The following GRK5 variants were observed in gnomAD, a reference collection of about 807,000 sequenced individuals.
GRK5 encodes the protein g protein-coupled receptor kinase GRK5.
In GRK5, 40 loss-of-function variants were observed where a neutral mutation model predicts 78.4. The observed-to-expected ratio is 0.51, with a 90% confidence interval of 0.40 to 0.66. The LOEUF is 0.66. Among genes scored for constraint, GRK5 ranks in the 30% least tolerant of loss-of-function variants. The pLI, the probability that GRK5 is intolerant of heterozygous loss-of-function variation, is 0.00. For missense variants in GRK5, 598 were observed against 759.9 expected (o/e 0.79, Z 2.50); for synonymous variants, 289 against 296.8 (o/e 0.97, Z 0.27).
chr10:119,385,105 C>A (rs1355077499), intron 3 of GRK5, among the ~76,000 whole-genome samples: 2 of 150,842 alleles, frequency 1.3e-5, no homozygotes, highest in Non-Finnish European at 2.9e-5. Context: ...CGAGTGTCCG[C>A]AGTTGGAGGG....
At chr10:119,443,407 C>A in intron 11 of GRK5, 137 bp from the exon 12 acceptor site, 1 of 717,046 alleles carries the variant, frequency 1.4e-6, no homozygotes, top group Non-Finnish European at 2.3e-6. Context: ...TCAGGGCAAG[C>A]TCCCTGGAGG....
chr10:119,430,290 C>G lies in GRK5; in HGVS notation c.534-85C>G. On this transcript the variant is annotated intron_variant, in intron 6 of 15. Transcript: ENST00000392870. This position sits in a 1 kb window ranked among gnomAD's most constrained non-coding sequence, Gnocchi z 4.5. ...GGGGCTCCTGGAATTATACCCCACC[C>G]CAGCTGCTCTCAATGTGCCACTGTT... The G allele has an allele frequency of 8.4e-7, 1 of 1,189,962 alleles. No homozygotes were observed. Among genetic ancestry groups the G allele is most frequent in the South Asian group, 1.2e-5 (1 of 80,998 alleles). The allele number at this position is 1,189,962 out of a possible 1,614,324, so 73.7% of individuals were successfully genotyped here.
intron 1 of GRK5, among the ~76,000 whole-genome samples, chr10:119,297,215 G>A (rs1279884395): frequency 1.3e-5 from 2 of 152,236 alleles, no homozygotes; most frequent in Non-Finnish European, 2.9e-5. Flanking sequence ...TCTTTCTTGG[G>A]TGTAATTTCA....
intron 4 of GRK5, among the ~76,000 whole-genome samples, chr10:119,399,556 T>C (rs1182411814): frequency 1.3e-5 from 2 of 151,932 alleles, no homozygotes; most frequent in African/African-American, 4.8e-5. Flanking sequence ...CATAGGAGAG[T>C]GGCCAGTGGA....
intron 4 of GRK5, among the ~76,000 whole-genome samples, chr10:119,418,844 CA>C (rs1852514588): frequency 6.6e-6 from 1 of 152,194 alleles, no homozygotes; most frequent in African/African-American, 2.4e-5. Flanking sequence ...CGAGCACCAC[CA>C]AGACCCCTTC....
At chr10:119,413,687 C>T (rs146733387) in intron 4 of GRK5, among the ~76,000 whole-genome samples, 1 of 152,192 alleles carries the variant, frequency 6.6e-6, no homozygotes, top group East Asian at 1.9e-4. Context: ...GGCTCTGTTT[C>T]CACATCTGTG....
At chr10:119,229,315 A>G (rs916665336) in intron 1 of GRK5, among the ~76,000 whole-genome samples, 1 of 152,118 alleles carries the variant, frequency 6.6e-6, no homozygotes, top group Non-Finnish European at 1.5e-5. Context: ...AGTAACCACC[A>G]TTATTTTATA....
intron 2 of GRK5, among the ~76,000 whole-genome samples, chr10:119,375,984 A>G (rs769378635): frequency 3.3e-5 from 5 of 152,072 alleles, no homozygotes; most frequent in Non-Finnish European, 5.9e-5. Context: ...TTTTCTGTGG[A>G]CTGCACGTGA....
At chr10:119,255,723 C>A (rs1849272699) in intron 1 of GRK5, among the ~76,000 whole-genome samples, 1 of 152,220 alleles carries the variant, frequency 6.6e-6, no homozygotes, top group African/African-American at 2.4e-5. Flanking sequence ...TTCTCCCAGA[C>A]ACGGGCTCCT....
At chr10:119,285,586 G>A (rs1189755253) in intron 1 of GRK5, among the ~76,000 whole-genome samples, 2 of 152,218 alleles carry the variant, frequency 1.3e-5, no homozygotes, top group African/African-American at 2.4e-5. Flanking sequence ...CAAAGGCACA[G>A]CAGGGAAGAT....
chr10:119,251,807 A>G (rs922950504), intron 1 of GRK5, among the ~76,000 whole-genome samples: 3 of 152,164 alleles, frequency 2.0e-5, no homozygotes, highest in Admixed American at 6.5e-5. Flanking sequence ...TAGTTATGAC[A>G]ACCAAAAATG....
rs1480592099 is a variant in GRK5 at position 119,359,897 on chromosome 10, C to T, written c.149-20918C>T. Among the ~76,000 whole-genome samples the T allele has an allele frequency of 7.8e-4, 118 of 152,006 alleles. 1 individual carries two copies. The highest frequency in any genetic ancestry group is 3.9e-4 in the East Asian group (2 of 5,174). On this transcript the variant is annotated intron_variant, in intron 2 of 15. Transcript: ENST00000392870. ...GGCAAATTCAGGTCCTGAGTGAGGTCGTAGTGGGTACCTGGCTAGCAGGCT... is the reference window on the plus strand; with the variant it reads ...GGCAAATTCAGGTCCTGAGTGAGGTTGTAGTGGGTACCTGGCTAGCAGGCT...
intron 10 of GRK5, 59 bp downstream of exon 10, chr10:119,439,827 G>A: frequency 6.5e-7 from 1 of 1,531,006 alleles, no homozygotes. Context: ...AAAGCAAAGG[G>A]CCTCCCAGGG....
intron 4 of GRK5, among the ~76,000 whole-genome samples, chr10:119,402,364 G>A (rs1336924915): frequency 1.3e-5 from 2 of 152,094 alleles, no homozygotes; most frequent in Non-Finnish European, 2.9e-5. Context: ...GTGTGTGCTG[G>A]GCTCTGAAGA....
Position 119,323,596 on chromosome 10 carries a change from T to TC in GRK5, c.53-2915dup, listed in dbSNP as rs536623514. 9.2e-4 allele frequency among the ~76,000 whole-genome samples: 140 copies of TC among 152,270 alleles called. 7 individuals carry two copies. The South Asian group carries it at 0.028, about 30-fold the overall frequency. On this transcript the variant is annotated intron_variant, in intron 1 of 15. Coordinates refer to ENST00000392870, the MANE Select transcript of GRK5 (RefSeq NM_005308.3). The stretch of plus-strand genomic sequence containing the variant: ...GCTTGTCTGGAGGCCACATGTGCTG[T>TC]CCCCCGGGCAGCTGCTGCCCAGCTC...
intron 1 of GRK5, among the ~76,000 whole-genome samples, chr10:119,309,623 C>T (rs1474464461): frequency 6.6e-6 from 1 of 152,176 alleles, no homozygotes; most frequent in Non-Finnish European, 1.5e-5. Flanking sequence ...TACGCTTGAA[C>T]AATCTGAAGC....
At position 119,455,656 on chromosome 10, in the gene GRK5, C is replaced by G. The variant is rs1385906309; in HGVS notation, c.*589C>G. On this transcript the variant is annotated 3_prime_UTR_variant, in exon 16 of 16. Transcript: ENST00000392870. ...AAGGATTGGTTGTATTTACCCACATCTATCTCTGGAGCCATTTCCTCACAT... is the reference window on the plus strand; with the variant it reads ...AAGGATTGGTTGTATTTACCCACATGTATCTCTGGAGCCATTTCCTCACAT... 1 of 261,374 alleles carries G rather than the reference C, an allele frequency of 3.8e-6. No homozygotes were observed. The highest frequency in any genetic ancestry group is 2.4e-5 in the African/African-American group (1 of 42,134). 16.2% of individuals were successfully genotyped at this position (261,374 alleles called of 1,614,324 possible).
chr10:119,438,330 A>G (rs1445797179), intron 9 of GRK5, among the ~76,000 whole-genome samples: 1 of 152,162 alleles, frequency 6.6e-6, no homozygotes, highest in East Asian at 1.9e-4. Context: ...AAGAAATCCA[A>G]ACCCTTCAAA....
chr10:119,222,318 A>AAT (rs398040295), intron 1 of GRK5, among the ~76,000 whole-genome samples: 1 of 150,382 alleles, frequency 6.6e-6, no homozygotes, highest in African/African-American at 2.4e-5. Flanking sequence ...AGATGTGTAA[A>AAT]TGTATCAGGT....
Sources: allele counts gnomAD v4.1 joint callset (sites outside exome capture counted in the v4.1 genomes callset), GRCh38; gene constraint gnomAD v4.1.1; non-coding constraint Gnocchi (gnomAD v3.1); transcripts MANE v1.5; gene names NCBI Gene and HGNC (gene_info 2026-07-23, HGNC 2026-07-21).